Variants in GRID1 observed in about 807,000 individuals in gnomAD.
GRID1 encodes the protein glutamate receptor ionotropic, delta-1.
GRID1 carries 28 observed loss-of-function variants against 98.0 expected under a neutral mutation model. The observed-to-expected ratio is 0.29, with a 90% CI of 0.21 to 0.39. The LOEUF (loss-of-function observed/expected upper bound fraction) is 0.39, where lower values mean the gene tolerates loss of function less well. GRID1 is among the 10% of genes least tolerant of loss of function. GRID1 has a pLI of 1.00. For synonymous variants in GRID1, 553 were observed against 538.5 expected (o/e 1.03, Z -0.37); for missense variants, 1,111 against 1,340.5 (o/e 0.83, Z 2.67).
Position 85,647,257 on chromosome 10 carries a change from C to T in GRID1, c.2138G>A (p.Ser713Asn), listed in dbSNP as rs1843207254. ...STFAELWRTI[S>N]KNGGADNCVS... is the part of the protein sequence containing the mutation. ...GCAGTTGTCAGCCCCTCCGTTCTTG[C>T]TGATGGTCCGCCAGAGTTCAGCAAA... Residue 713 changes from serine to asparagine, a missense_variant, in exon 13 of 16, where the codon AGC becomes AAC. Coordinates refer to ENST00000327946, the MANE Select transcript of GRID1 (RefSeq NM_017551.3). 9 of 1,614,132 alleles carry T rather than the reference C, an allele frequency of 5.6e-6. No homozygotes were observed. Among genetic ancestry groups the T allele is most frequent in the Non-Finnish European group, 7.6e-6 (9 of 1,180,042 alleles).
intron 4 of GRID1, among the ~76,000 whole-genome samples, chr10:85,954,169 C>T (rs1466177368): frequency 6.6e-6 from 1 of 152,060 alleles, no homozygotes; most frequent in Non-Finnish European, 1.5e-5. Flanking sequence ...AAGTTCTGGT[C>T]CCAGAAAACA....
intron 4 of GRID1, among the ~76,000 whole-genome samples, chr10:86,089,835 C>T (rs1317765471): frequency 1.3e-5 from 2 of 152,018 alleles, no homozygotes; most frequent in African/African-American, 4.8e-5. Flanking sequence ...CAACCTCCAC[C>T]TCCCAGGTTC....
At chr10:85,870,851 T>G (rs1349238997) in intron 5 of GRID1, among the ~76,000 whole-genome samples, 1 of 152,114 alleles carries the variant, frequency 6.6e-6, no homozygotes, top group Non-Finnish European at 1.5e-5. Context: ...AGAGGGTCAG[T>G]ACACCCCACA....
chr10:85,629,773 G>C (rs558910382), intron 13 of GRID1, among the ~76,000 whole-genome samples: 1 of 151,996 alleles, frequency 6.6e-6, no homozygotes. Context: ...TTAGTTTTTT[G>C]GGAAATCTAC....
At chr10:85,894,793 A>C (rs1338044311) in intron 5 of GRID1, among the ~76,000 whole-genome samples, 1 of 151,852 alleles carries the variant, frequency 6.6e-6, no homozygotes, top group Non-Finnish European at 1.5e-5. Flanking sequence ...AGATCACTTG[A>C]GGTCAAGAGT....
intron 8 of GRID1, among the ~76,000 whole-genome samples, chr10:85,739,675 T>C (rs1232850074): frequency 6.6e-6 from 1 of 152,120 alleles, no homozygotes; most frequent in Non-Finnish European, 1.5e-5. Flanking sequence ...TGGAGCTAGA[T>C]GGTATCAAGT....
chr10:85,640,358 T>C (rs536357218), intron 13 of GRID1, among the ~76,000 whole-genome samples: 2 of 152,370 alleles, frequency 1.3e-5, no homozygotes, highest in South Asian at 2.1e-4. Flanking sequence ...TCTTGGATCA[T>C]GGCTACAAGG....
intron 4 of GRID1, among the ~76,000 whole-genome samples, chr10:85,969,686 C>T (rs1270853594): frequency 6.6e-6 from 1 of 151,960 alleles, no homozygotes; most frequent in Non-Finnish European, 1.5e-5. Context: ...TAGGATGTGA[C>T]AAAAGCAGTG....
At chr10:85,915,002 T>C (rs1841592924) in intron 5 of GRID1, among the ~76,000 whole-genome samples, 1 of 152,128 alleles carries the variant, frequency 6.6e-6, no homozygotes, top group African/African-American at 2.4e-5. Flanking sequence ...GCCACTCTTA[T>C]GCAATGCCTG....
chr10:85,667,133 G>A (rs935873556), intron 12 of GRID1, among the ~76,000 whole-genome samples: 13 of 152,190 alleles, frequency 8.5e-5, no homozygotes, highest in Admixed American at 1.3e-4. Context: ...CTCGCTCTCT[G>A]CGGTTATGTG....
chr10:86,041,905 T>C (rs1413402988), intron 4 of GRID1, among the ~76,000 whole-genome samples: 1 of 152,208 alleles, frequency 6.6e-6, no homozygotes, highest in East Asian at 1.9e-4. Flanking sequence ...GGCCTCACGC[T>C]GCCTGCTACT....
At chr10:85,864,576 A>T (rs1464362765) in intron 6 of GRID1, among the ~76,000 whole-genome samples, 1 of 152,230 alleles carries the variant, frequency 6.6e-6, no homozygotes, top group Non-Finnish European at 1.5e-5. Flanking sequence ...TAAACCATTG[A>T]AAGTGACATG....
At chr10:85,711,623 TTTATG>T (rs1030208136) in intron 12 of GRID1, among the ~76,000 whole-genome samples, 2 of 151,992 alleles carry the variant, frequency 1.3e-5, no homozygotes, top group Non-Finnish European at 1.5e-5. Context: ...AATAATAGGT[TTTATG>T]TTATGTATAT....
At chr10:85,654,551 A>G (rs1025698481) in intron 12 of GRID1, among the ~76,000 whole-genome samples, 5 of 152,098 alleles carry the variant, frequency 3.3e-5, no homozygotes, top group Admixed American at 6.5e-5. Context: ...TCTATCCTCT[A>G]TGTCCACCCT....
chr10:85,602,555 C>A lies in GRID1; in HGVS notation c.2748G>T (p.Pro916=). 6.2e-7 allele frequency: 1 copy of A among 1,614,024 alleles called. No homozygotes were observed. The highest frequency in any genetic ancestry group is 8.5e-7 in the Non-Finnish European group (1 of 1,180,004). The change falls in exon 16 of 16, where the codon CCG becomes CCT. Residue 916 remains proline (P), a synonymous_variant. Transcript: ENST00000327946. ...GCTGGGTGTTCTGGTACTCCCGTGT[C>A]GGCTCCAAGGTCTGGGTGGGAGCCA... ...GGLAPTQTLE[P]TREYQNTQLS...
At chr10:85,814,641 A>T (rs1270285479) in intron 8 of GRID1, among the ~76,000 whole-genome samples, 2 of 151,882 alleles carry the variant, frequency 1.3e-5, no homozygotes, top group Admixed American at 1.3e-4. Context: ...TATTAACGGA[A>T]TACCATTAAT....
At chr10:86,018,601 A>G (rs1409278126) in intron 4 of GRID1, among the ~76,000 whole-genome samples, 1 of 152,168 alleles carries the variant, frequency 6.6e-6, no homozygotes, top group Non-Finnish European at 1.5e-5. Context: ...GCAGGTGCCC[A>G]CGCCTTCCAG....
At chr10:86,123,727 C>T (rs753696747) in intron 4 of GRID1, among the ~76,000 whole-genome samples, 25 of 152,226 alleles carry the variant, frequency 1.6e-4, no homozygotes, top group Non-Finnish European at 3.1e-4. Flanking sequence ...AAAAGGGGCA[C>T]GTCCTCTCTC....
At chr10:86,074,426 CT>C (rs1843851307) in intron 4 of GRID1, among the ~76,000 whole-genome samples, 1 of 152,078 alleles carries the variant, frequency 6.6e-6, no homozygotes. Context: ...TGATATTTGC[CT>C]TTTTGTGCCC....
Sources: gnomAD v4.1 joint callset for allele counts (sites outside exome capture counted in the v4.1 genomes callset) on GRCh38, gnomAD v4.1.1 for gene constraint, MANE v1.5 for transcripts, NCBI Gene and HGNC (gene_info 2026-07-23, HGNC 2026-07-21) for gene names.